NLRP11: variants seen among roughly 807,000 people sequenced by gnomAD.
NLRP11 encodes NACHT, LRR and PYD domains-containing protein 11.
Under a neutral mutation model 79.3 loss-of-function variants are expected in NLRP11, and 53 were observed. The ratio of observed to expected loss-of-function variants is 0.67; its 90% CI spans 0.54 to 0.84. The LOEUF (loss-of-function observed/expected upper bound fraction) is 0.84, where lower values mean the gene tolerates loss of function less well. NLRP11 is among the 40% of genes least tolerant of loss of function. The pLI, the probability that NLRP11 is intolerant of heterozygous loss-of-function variation, is 0.00. For missense variants in NLRP11, 1,264 were observed against 1,255.0 expected, an observed-to-expected ratio of 1.01 and a Z score of -0.11; for synonymous variants, 518 against 462.6, an observed-to-expected ratio of 1.12 and a Z score of -1.54.
chr19:55,789,170 G>T, intron 8 of NLRP11, 59 bp downstream of exon 8: 1 of 1,524,394 alleles, frequency 6.6e-7, no homozygotes, highest in Non-Finnish European at 8.9e-7. Flanking sequence ...ACTTCCTCTT[G>T]TGCTTTTCTT....
upstream of NLRP11, among the ~76,000 whole-genome samples, chr19:55,834,614 C>G (rs149329138): frequency 1.4e-4 from 22 of 152,288 alleles, no homozygotes; most frequent in African/African-American, 4.3e-4. Flanking sequence ...TCATTCCACT[C>G]AGGTAATCCA....
chr19:55,795,720 C>G (rs993880582), intron 6 of NLRP11, among the ~76,000 whole-genome samples: 6 of 152,200 alleles, frequency 3.9e-5, no homozygotes, highest in Non-Finnish European at 7.4e-5. Flanking sequence ...GAACTCCTGA[C>G]CTTGTGATCC....
chr19:55,804,046 C>T (rs1038939358), intron 4 of NLRP11, among the ~76,000 whole-genome samples: 2 of 152,214 alleles, frequency 1.3e-5, no homozygotes, highest in Non-Finnish European at 2.9e-5. Context: ...TGTGCCACTG[C>T]ACCCTAGCCT....
rs189778996 is a variant in NLRP11, at chr19:55,808,162, T to A, written c.1842-148A>T. The A allele has an allele frequency of 1.1e-5, 6 of 543,414 alleles. No individual in the cohort carries two copies. In the South Asian group the frequency reaches 1.8e-4, roughly 16 times the overall value. 33.7% of individuals were successfully genotyped at this position (543,414 alleles called of 1,614,324 possible). A position where few individuals can be genotyped will look rare whatever the true frequency, so the allele number is the denominator to read the frequency against. ...GCAAGAAATAAAGTAGGGTCAAACA[T>A]GAATGAACAACACTCAGATCCATTA... On this transcript the variant is annotated intron_variant, in intron 3 of 9. Transcript: ENST00000589093.
chr19:55,822,333 C>A (rs1485385057), intron 1 of NLRP11, among the ~76,000 whole-genome samples: 2 of 152,208 alleles, frequency 1.3e-5, no homozygotes, highest in Non-Finnish European at 2.9e-5. Flanking sequence ...AAAATGATAT[C>A]TTTACGTCAT....
At chr19:55,817,549 T>C (rs1480341562) in intron 2 of NLRP11, among the ~76,000 whole-genome samples, 1 of 152,054 alleles carries the variant, frequency 6.6e-6, no homozygotes, top group African/African-American at 2.4e-5. Context: ...TTAGAGACCA[T>C]TATTCTAAGT....
chr19:55,799,139 C>T (rs1439645453), intron 5 of NLRP11, among the ~76,000 whole-genome samples: 1 of 129,932 alleles, frequency 7.7e-6, no homozygotes, highest in Non-Finnish European at 1.5e-5. Flanking sequence ...TGGTGGTGTA[C>T]CCCTGTGGTC....
chr19:55,807,701 C>T, intron 4 of NLRP11, 152 bp downstream of exon 4: 1 of 509,992 alleles, frequency 2.0e-6, no homozygotes. Flanking sequence ...ATCATAGACA[C>T]ACTAAAGATG....
exon 10 of NLRP11, chr19:55,785,760 T>C (rs758084844): frequency 3.7e-6 from 6 of 1,614,222 alleles, no homozygotes; most frequent in Non-Finnish European, 5.1e-6. Flanking sequence ...CACCAATTTC[T>C]CTGCCTTCCT....
chr19:55,830,598 T>TAAAAAAA (rs201476127), intron 1 of NLRP11, among the ~76,000 whole-genome samples: 1,508 of 129,108 alleles, frequency 0.012, 47 homozygotes, highest in African/African-American at 0.042. Context: ...CTTAGCTTCC[T>TAAAAAAA]AAAAAAAAAA....
chr19:55,789,409 A>G lies in NLRP11; in HGVS notation c.2514-10T>C. On this transcript the variant is annotated splice_polypyrimidine_tract_variant and intron_variant, in intron 7 of 9. Coordinates refer to ENST00000589093, the Ensembl canonical transcript of NLRP11. ...GAAACAGCCAGACAGACTGCAAAAC[A>G]GAAACATGAGCTAGAGTCATGACCA... 1 of 1,608,328 alleles carries G rather than the reference A, an allele frequency of 6.2e-7. No individual in the cohort carries two copies. The highest frequency in any genetic ancestry group is 8.5e-7 in the Non-Finnish European group (1 of 1,177,670).
At chr19:55,834,908 GAACATGTATCACCAGGAAA>G (rs752489045), upstream of NLRP11, among the ~76,000 whole-genome samples, 16 of 152,058 alleles carry the variant, frequency 1.1e-4, no homozygotes, top group Non-Finnish European at 1.9e-4. Context: ...TCTCTTAGGG[GAACATGTATCACCAGGAAA>G]AATAAAAAGA....
chr19:55,788,944 A>C, exon 9 of NLRP11: 1 of 1,613,946 alleles, frequency 6.2e-7, no homozygotes, highest in Non-Finnish European at 8.5e-7. Context: ...CAAGAGATCG[A>C]CAGCAGGCAC....
At chr19:55,796,048 T>C (rs1342974774) in intron 6 of NLRP11, 32 bp downstream of exon 6, 1 of 1,585,088 alleles carries the variant, frequency 6.3e-7, no homozygotes, top group South Asian at 1.1e-5. Flanking sequence ...AGTCTGAGCT[T>C]CTACGTGGTG....
chr19:55,813,379 A>G (rs1980790922), intron 2 of NLRP11, among the ~76,000 whole-genome samples: 1 of 152,144 alleles, frequency 6.6e-6, no homozygotes, highest in African/African-American at 2.4e-5. Context: ...TCTACCCTTT[A>G]ATTACTTGAC....
At position 55,809,830 on chromosome 19, in the gene NLRP11, G is replaced by A. The variant is rs1568636862; in HGVS notation, c.780C>T (p.Val260=). Reference sequence around the variant, plus strand: ...GAGCCATTTTTCTCTTCAGCAAACTGACCAGGAGAACTGGAATGGGAACTT... The same window carrying A: ...GAGCCATTTTTCTCTTCAGCAAACTAACCAGGAGAACTGGAATGGGAACTT... Residue 260 remains valine (V), a synonymous_variant, in exon 3 of 10, where the codon GTC becomes GTT. Coordinates refer to ENST00000589093, the Ensembl canonical transcript of NLRP11. The surrounding 1 kb of genome is among the most constrained non-coding windows in gnomAD (Gnocchi z 4.5). 1 of 1,614,102 alleles carries A rather than the reference G, an allele frequency of 6.2e-7. No homozygotes were observed. Among genetic ancestry groups the A allele is most frequent in the Non-Finnish European group, 8.5e-7 (1 of 1,180,010 alleles).
chr19:55,815,849 AG>A (rs1160138882), intron 2 of NLRP11, among the ~76,000 whole-genome samples: 2 of 152,216 alleles, frequency 1.3e-5, no homozygotes, highest in African/African-American at 4.8e-5. Context: ...CATCAGGGAC[AG>A]GGGTATGTGA....
At chr19:55,796,353 T>C (rs1456696305) in intron 5 of NLRP11, 103 bp from the exon 6 acceptor site, 3 of 901,180 alleles carry the variant, frequency 3.3e-6, no homozygotes, top group Admixed American at 5.2e-5. Context: ...AGTGCGATGA[T>C]GTCTACTTGG....
Position 55,809,548 on chromosome 19 carries a change from G to C in NLRP11, c.1062C>G (p.Asp354Glu). 6.2e-7 allele frequency: 1 copy of C among 1,614,188 alleles called. No homozygotes were observed. Among genetic ancestry groups the C allele is most frequent in the Non-Finnish European group, 8.5e-7 (1 of 1,180,038 alleles). Residue 354 changes from aspartate to glutamate, a missense_variant, in exon 3 of 10, where the codon GAC becomes GAG. Physicochemically the swap from Asp to Glu is conservative, Grantham distance 45 (BLOSUM62 2). Coordinates refer to ENST00000589093, the Ensembl canonical transcript of NLRP11. The surrounding 1 kb of genome is among the most constrained non-coding windows in gnomAD (Gnocchi z 4.5). ...AGCAGAGCTGGAAGTCACGCCCCTT[G>C]TCCATCTGCCGCTTCAGGACAGTAC...
Sources: allele counts gnomAD v4.1 joint callset (sites outside exome capture counted in the v4.1 genomes callset), GRCh38; gene constraint gnomAD v4.1.1; non-coding constraint Gnocchi (gnomAD v3.1); transcripts MANE v1.5; gene names NCBI Gene and HGNC (gene_info 2026-07-23, HGNC 2026-07-21).